The following CDH23 variants were observed in gnomAD, a reference collection of about 807,000 sequenced individuals.
The protein encoded by CDH23 is cadherin-23.
Under a neutral mutation model 317.1 loss-of-function variants are expected in CDH23, and 189 were observed. The observed-to-expected ratio is 0.60, with a 90% CI of 0.53 to 0.67. CDH23 has a LOEUF of 0.67. CDH23 is among the 30% of genes least tolerant of loss of function. CDH23 has a pLI of 0.00. For missense variants in CDH23, 4,401 were observed against 4,592.4 expected, an observed-to-expected ratio of 0.96 and a Z score of 1.20; for synonymous variants, 1,839 against 1,876.8, an observed-to-expected ratio of 0.98 and a Z score of 0.52.
chr10:71,674,006 C>T (rs775572080), intron 14 of CDH23, among the ~76,000 whole-genome samples: 22 of 152,214 alleles, frequency 1.4e-4, no homozygotes, highest in African/African-American at 4.8e-4. Context: ...AGGTCTGCAC[C>T]GTCTATAGGA....
At chr10:71,464,961 A>G (rs1272545051) in intron 3 of CDH23, among the ~76,000 whole-genome samples, 1 of 152,198 alleles carries the variant, frequency 6.6e-6, no homozygotes, top group East Asian at 1.9e-4. Context: ...TGTATGCATG[A>G]TCTCATTCAG....
intron 38 of CDH23, among the ~76,000 whole-genome samples, chr10:71,774,430 T>A (rs1307872673): frequency 6.6e-6 from 1 of 152,130 alleles, no homozygotes; most frequent in African/African-American, 2.4e-5. Context: ...CCTTCCTTTT[T>A]CCCGGCAAAT....
chr10:71,647,402 G>C (rs1248561427), intron 14 of CDH23, among the ~76,000 whole-genome samples: 1 of 152,024 alleles, frequency 6.6e-6, no homozygotes, highest in East Asian at 1.9e-4. Context: ...GGCGGAGGTT[G>C]CAGTGAGCCG....
rs192744376 is a variant in CDH23, at chr10:71,571,508, G to A, written c.753+590G>A. 8.1e-3 allele frequency among the ~76,000 whole-genome samples: 1,234 copies of A among 152,312 alleles called. 7 individuals are homozygous for A. Among genetic ancestry groups the A allele is most frequent in the Non-Finnish European group, 0.013 (884 of 68,024 alleles). On this transcript the variant is annotated intron_variant, in intron 8 of 69. Transcript: ENST00000224721. Reference sequence around the variant, plus strand: ...CAAGGTCATAGGTCACCAGCCTGTAGATCGGCTACCCATGGGTGTCTTAGA... The same window carrying A: ...CAAGGTCATAGGTCACCAGCCTGTAAATCGGCTACCCATGGGTGTCTTAGA...
chr10:71,576,159 C>G (rs1589225322), intron 8 of CDH23, among the ~76,000 whole-genome samples: 1 of 152,364 alleles, frequency 6.6e-6, no homozygotes, highest in African/African-American at 2.4e-5. Flanking sequence ...CTCCTCTGCA[C>G]AAGCCTGCAC....
intron 6 of CDH23, among the ~76,000 whole-genome samples, chr10:71,533,422 G>C (rs1481192360): frequency 6.6e-6 from 1 of 152,006 alleles, no homozygotes; most frequent in Non-Finnish European, 1.5e-5. Flanking sequence ...CTCGGATATG[G>C]AAGACACACA....
chr10:71,664,863 A>G lies in CDH23; in HGVS notation c.1450-10249A>G, dbSNP rs61852017. 5.7e-3 allele frequency among the ~76,000 whole-genome samples: 772 copies of G among 135,432 alleles called. 6 individuals are homozygous for G. The highest frequency in any genetic ancestry group is 0.029 in the Middle Eastern group (8 of 272). 88.8% of individuals were successfully genotyped at this position (135,432 alleles called of 152,430 possible). A position where few individuals can be genotyped will look rare whatever the true frequency, so the allele number is the denominator to read the frequency against. On this transcript the variant is annotated intron_variant, in intron 14 of 69. Transcript: ENST00000224721. ...TCTTCCTTCTCCTCCTCCCTTGATC[A>G]CTTCCTTTCTCTCCTTCTCCCTCTC... is the stretch of plus-strand genomic sequence containing the variant.
At chr10:71,601,290 C>T (rs1289312079) in intron 9 of CDH23, among the ~76,000 whole-genome samples, 1 of 152,242 alleles carries the variant, frequency 6.6e-6, no homozygotes, top group Non-Finnish European at 1.5e-5. Flanking sequence ...TTTTTCACCT[C>T]TATCCTCAGT....
At chr10:71,625,464 C>T (rs1394584449) in intron 11 of CDH23, among the ~76,000 whole-genome samples, 7 of 5,618 alleles carry the variant, frequency 1.2e-3, no homozygotes, top group African/African-American at 4.2e-3. Context: ...TGCTGGGGGG[C>T]GGGTGGGGGT....
intron 11 of CDH23, among the ~76,000 whole-genome samples, chr10:71,633,974 C>T (rs1862140872): frequency 6.6e-6 from 1 of 152,254 alleles, no homozygotes; most frequent in African/African-American, 2.4e-5. Flanking sequence ...GCGGTGTCCC[C>T]TCCTGATTTC....
intron 9 of CDH23, among the ~76,000 whole-genome samples, chr10:71,582,895 G>A (rs971630136): frequency 5.9e-5 from 9 of 152,182 alleles, no homozygotes; most frequent in African/African-American, 2.2e-4. Flanking sequence ...TACCTCGGTG[G>A]AACTCTGTGA....
intron 11 of CDH23, among the ~76,000 whole-genome samples, chr10:71,634,516 T>C (rs1341623161): frequency 1.3e-5 from 2 of 152,204 alleles, no homozygotes; most frequent in Non-Finnish European, 2.9e-5. Context: ...GTTGGAAATA[T>C]GGCCACTGGG....
At chr10:71,480,352 C>G (rs1055098177) in intron 3 of CDH23, among the ~76,000 whole-genome samples, 4 of 152,246 alleles carry the variant, frequency 2.6e-5, no homozygotes, top group African/African-American at 9.6e-5. Context: ...GCACTTAAGC[C>G]AGGCTGTACT....
At position 71,403,438 on chromosome 10, in the gene CDH23, TTCCTTCCTTCCTTCCTTTCCTTCC is replaced by T. The variant is rs1225467223; in HGVS notation, c.-6+6122_-6+6145del. On this transcript the variant is annotated intron_variant, in intron 1 of 69. Transcript: ENST00000224721. ...CTTCCTTCCTTCCTTCCTTCCTTCCTTCCTTCCTTCCTTCCTTTCCTTCCTTCCTTCCTTCCTTCCTTCCTTCCT... is the reference window on the plus strand; with the variant it reads ...CTTCCTTCCTTCCTTCCTTCCTTCCTTTCCTTCCTTCCTTCCTTCCTTCCT... Among the ~76,000 whole-genome samples, 21 of 77,202 alleles carry T rather than the reference TTCCTTCCTTCCTTCCTTTCCTTCC, an allele frequency of 2.7e-4. 1 individual carries two copies. The highest frequency in any genetic ancestry group is 1.1e-3 in the African/African-American group (13 of 11,480). 50.6% of individuals were successfully genotyped at this position (77,202 alleles called of 152,430 possible). A position where few individuals can be genotyped will look rare whatever the true frequency, so the allele number is the denominator to read the frequency against.
At chr10:71,653,508 A>T (rs1243351853) in intron 14 of CDH23, among the ~76,000 whole-genome samples, 2 of 152,238 alleles carry the variant, frequency 1.3e-5, no homozygotes, top group Non-Finnish European at 2.9e-5. Flanking sequence ...GCCCAGCCAG[A>T]TGATCCAGGA....
At chr10:71,628,558 GC>G (rs1177745604) in intron 11 of CDH23, among the ~76,000 whole-genome samples, 1 of 152,122 alleles carries the variant, frequency 6.6e-6, no homozygotes, top group Non-Finnish European at 1.5e-5. Context: ...GAGTGCAGTG[GC>G]GCAATCTTGG....
intron 6 of CDH23, among the ~76,000 whole-genome samples, chr10:71,551,194 G>A (rs1856576410): frequency 6.6e-6 from 1 of 152,186 alleles, no homozygotes; most frequent in African/African-American, 2.4e-5. Flanking sequence ...ACAAAGTGTC[G>A]CCCAATTAAT....
At chr10:71,519,127 A>G (rs2132225884) in intron 6 of CDH23, among the ~76,000 whole-genome samples, 1 of 152,278 alleles carries the variant, frequency 6.6e-6, no homozygotes, top group East Asian at 1.9e-4. Flanking sequence ...ATTCTATTGC[A>G]ATGATTGCGG....
At chr10:71,724,471 T>C (rs2132801496) in intron 29 of CDH23, among the ~76,000 whole-genome samples, 1 of 152,272 alleles carries the variant, frequency 6.6e-6, no homozygotes, top group Middle Eastern at 3.4e-3. Context: ...TGCCTGTAAT[T>C]TTTTGTGCTT....
Sources: gnomAD v4.1 joint callset for allele counts (sites outside exome capture counted in the v4.1 genomes callset) on GRCh38, gnomAD v4.1.1 for gene constraint, MANE v1.5 for transcripts, NCBI Gene and HGNC (gene_info 2026-07-23, HGNC 2026-07-21) for gene names.